The following NRXN1 variants were observed in gnomAD, a reference collection of about 807,000 sequenced individuals.
NRXN1 encodes neurexin 1.
Under a neutral mutation model 150.9 loss-of-function variants are expected in NRXN1, and 39 were observed. The observed-to-expected ratio is 0.26, with a 90% CI of 0.20 to 0.34. NRXN1 has a LOEUF of 0.34. Ranked by LOEUF, NRXN1 falls within the 10% of genes least tolerant of loss-of-function variation. NRXN1 has a pLI of 1.00. For missense variants in NRXN1, 1,815 were observed against 1,949.9 expected (o/e 0.93, Z 1.30); for synonymous variants, 924 against 757.0 (o/e 1.22, Z -3.62).
At chr2:50,837,967 T>A (rs889178582) in intron 5 of NRXN1, among the ~76,000 whole-genome samples, 1 of 152,148 alleles carries the variant, frequency 6.6e-6, no homozygotes, top group Non-Finnish European at 1.5e-5. Context: ...TATCAATCTT[T>A]TGATATTCTG....
chr2:50,568,012 A>G (rs1400595665), intron 8 of NRXN1, among the ~76,000 whole-genome samples: 1 of 152,084 alleles, frequency 6.6e-6, no homozygotes, highest in Non-Finnish European at 1.5e-5. Flanking sequence ...CATTTTTCAG[A>G]AGAAACTGAG....
chr2:50,995,621 A>G (rs944165629), intron 2 of NRXN1, among the ~76,000 whole-genome samples: 1 of 151,422 alleles, frequency 6.6e-6, no homozygotes, highest in African/African-American at 2.4e-5. Context: ...AAAAAAAAAA[A>G]AGAGCTCAGA....
intron 18 of NRXN1, among the ~76,000 whole-genome samples, chr2:50,190,503 A>G (rs1383983980): frequency 1.3e-5 from 2 of 152,164 alleles, no homozygotes; most frequent in African/African-American, 2.4e-5. Flanking sequence ...TTTATTTGAT[A>G]GCTTAATGAT....
At chr2:50,989,706 G>C (rs898854206) in intron 2 of NRXN1, among the ~76,000 whole-genome samples, 3 of 151,936 alleles carry the variant, frequency 2.0e-5, no homozygotes, top group African/African-American at 7.2e-5. Context: ...GCAATTGATG[G>C]GAATTTGGGT....
intron 17 of NRXN1, among the ~76,000 whole-genome samples, chr2:50,407,830 C>A (rs1475793935): frequency 6.6e-6 from 1 of 152,058 alleles, no homozygotes. Flanking sequence ...TATTCCATTT[C>A]TTTATAAATT....
At chr2:50,744,974 AC>A in intron 5 of NRXN1, among the ~76,000 whole-genome samples, 1 of 152,122 alleles carries the variant, frequency 6.6e-6, no homozygotes, top group Non-Finnish European at 1.5e-5. Flanking sequence ...TTTGTGCTTC[AC>A]ATGCTGCCCT....
At position 50,008,533 on chromosome 2, in the gene NRXN1, G is replaced by A. The variant is rs529020149; in HGVS notation, c.4128+44738C>T. On this transcript the variant is annotated intron_variant, in intron 21 of 22. Coordinates refer to ENST00000401669, the MANE Select transcript of NRXN1 (RefSeq NM_001330078.2). ...CCAGGCTGGAGAGTGGCATGATCTC[G>A]GCTCACTGTGAGCTCCGAGGATGGC... Among the ~76,000 whole-genome samples the A allele has an allele frequency of 3.4e-5, 5 of 145,568 alleles. No homozygotes were observed. In the South Asian group the frequency reaches 1.1e-3, roughly 32 times the overall value.
At chr2:50,474,402 T>C (rs890938070) in intron 15 of NRXN1, among the ~76,000 whole-genome samples, 5 of 151,810 alleles carry the variant, frequency 3.3e-5, no homozygotes, top group African/African-American at 1.2e-4. Context: ...AAGAACCTAG[T>C]TGTGCAAGTA....
intron 17 of NRXN1, among the ~76,000 whole-genome samples, chr2:50,310,930 T>G (rs4246579): frequency 0.22 from 33,570 of 152,108 alleles, 4,296 homozygotes; most frequent in East Asian, 0.53. Flanking sequence ...TTAATAATTT[T>G]CAAATTAAAA....
chr2:50,995,509 G>A (rs1189803968), intron 2 of NRXN1, among the ~76,000 whole-genome samples: 1 of 151,462 alleles, frequency 6.6e-6, no homozygotes, highest in Non-Finnish European at 1.5e-5. Flanking sequence ...GGAGCCTGAG[G>A]CAGGAAAATC....
intron 5 of NRXN1, among the ~76,000 whole-genome samples, chr2:50,699,936 C>G (rs982363125): frequency 1.6e-4 from 25 of 152,316 alleles, no homozygotes; most frequent in African/African-American, 6.0e-4. Context: ...CCAACTTCCT[C>G]TAAGCTCCAA....
chr2:50,142,227 C>T (rs1258515573), intron 18 of NRXN1, among the ~76,000 whole-genome samples: 1 of 151,920 alleles, frequency 6.6e-6, no homozygotes, highest in East Asian at 1.9e-4. Flanking sequence ...ATCACATGTT[C>T]TCACACATAT....
chr2:50,107,005 C>G (rs929411514), intron 18 of NRXN1, among the ~76,000 whole-genome samples: 1 of 151,858 alleles, frequency 6.6e-6, no homozygotes, highest in Admixed American at 6.6e-5. Flanking sequence ...TTAATGCATA[C>G]AGTATCTGAG....
chr2:50,016,062 G>GA (rs1415397876), intron 21 of NRXN1, among the ~76,000 whole-genome samples: 1 of 151,902 alleles, frequency 6.6e-6, no homozygotes, highest in African/African-American at 2.4e-5. Context: ...TGTAGAACAT[G>GA]AAAAAAAGAA....
At chr2:50,791,939 G>A (rs1054951541) in intron 5 of NRXN1, among the ~76,000 whole-genome samples, 11 of 152,054 alleles carry the variant, frequency 7.2e-5, no homozygotes. Context: ...TTCTACATGG[G>A]CTTAAAGTAT....
intron 5 of NRXN1, among the ~76,000 whole-genome samples, chr2:50,793,955 G>A (rs763359799): frequency 6.6e-6 from 1 of 152,038 alleles, no homozygotes; most frequent in African/African-American, 2.4e-5. Flanking sequence ...ATTTGACAAT[G>A]TTTGTAGACA....
At chr2:50,770,922 C>T (rs887764628) in intron 5 of NRXN1, among the ~76,000 whole-genome samples, 2 of 152,096 alleles carry the variant, frequency 1.3e-5, no homozygotes, top group East Asian at 1.9e-4. Flanking sequence ...AAATATGATT[C>T]CAGGGTAAAA....
Position 50,814,516 on chromosome 2 carries a change from C to G in NRXN1, c.832+107353G>C, listed in dbSNP as rs559458730. Among the ~76,000 whole-genome samples the G allele has an allele frequency of 3.9e-5, 6 of 151,974 alleles. No homozygotes were observed. The East Asian group carries it at 1.2e-3, about 30-fold the overall frequency. On this transcript the variant is annotated intron_variant, in intron 5 of 22. Coordinates refer to ENST00000401669, the MANE Select transcript of NRXN1 (RefSeq NM_001330078.2). ...AGTTGGGTAGTACCTCATGGAAGAA[C>G]AAAAAAGAAGAACCCTGGGGAACAA...
At chr2:50,829,398 G>A in intron 5 of NRXN1, 4 of 1,267,920 alleles carry the variant, frequency 3.2e-6, no homozygotes, top group African/African-American at 1.5e-5. Context: ...AAAGTGCGGG[G>A]ATTACAGGCA....
Sources: gnomAD v4.1 joint callset for allele counts (sites outside exome capture counted in the v4.1 genomes callset) on GRCh38, gnomAD v4.1.1 for gene constraint, MANE v1.5 for transcripts, NCBI Gene and HGNC (gene_info 2026-07-23, HGNC 2026-07-21) for gene names.